ZBBX: variants seen among roughly 807,000 people sequenced by gnomAD.
ZBBX encodes zinc finger B-box domain-containing protein 1.
A neutral mutation model predicts 108.5 loss-of-function variants in ZBBX; 101 were observed. That is an observed-to-expected ratio of 0.93 (90% CI 0.79 to 1.10). The LOEUF (loss-of-function observed/expected upper bound fraction) is 1.10. Ranked by LOEUF, ZBBX falls within the 50% of genes least tolerant of loss-of-function variation. The pLI is 0.00. For synonymous variants in ZBBX, 356 were observed against 323.4 expected (o/e 1.10, Z -1.08); for missense variants, 1,009 against 941.4 (o/e 1.07, Z -0.94).
rs1241845726 is a variant in ZBBX at position 167,375,734 on chromosome 3, T to C, written c.-131-1947A>G. Among the ~76,000 whole-genome samples the C allele has an allele frequency of 1.1e-4, 17 of 152,192 alleles. 1 individual carries two copies. The highest frequency in any genetic ancestry group is 1.1e-3 in the Admixed American group (17 of 15,282). ...AAACCTACCTCCAAATTACTTGGAC[T>C]ATCTCCAAAAATTAAATCTAACCTG... On this transcript the variant is annotated intron_variant, in intron 2 of 21. Transcript: ENST00000675490.
At chr3:167,267,787 A>C (rs144833085) in intron 20 of ZBBX, among the ~76,000 whole-genome samples, 1 of 152,270 alleles carries the variant, frequency 6.6e-6, no homozygotes, top group Non-Finnish European at 1.5e-5. Context: ...AGCCCGATCT[A>C]GCATCCGACA....
At chr3:167,187,065 A>C in the ZBBX span, among the ~76,000 whole-genome samples, 1 of 152,180 alleles carries the variant, frequency 6.6e-6, no homozygotes, top group African/African-American at 2.4e-5. Context: ...TATTTTGCAG[A>C]GTAAAAAATT....
At chr3:167,181,837 TCCCCGCTGGC>T in the ZBBX span, among the ~76,000 whole-genome samples, 1 of 152,164 alleles carries the variant, frequency 6.6e-6, no homozygotes, top group Admixed American at 6.5e-5. Context: ...AATCCTACTG[TCCCCGCTGGC>T]AAGGGTCTAT....
intron 18 of ZBBX, among the ~76,000 whole-genome samples, chr3:167,293,643 G>C (rs985286999): frequency 6.6e-6 from 1 of 152,130 alleles, no homozygotes; most frequent in African/African-American, 2.4e-5. Flanking sequence ...CAAAAGACAA[G>C]GATGCCCTCT....
chr3:167,199,214 G>A, the ZBBX span, among the ~76,000 whole-genome samples: 1 of 152,132 alleles, frequency 6.6e-6, no homozygotes, highest in African/African-American at 2.4e-5. Context: ...TGTGAAATAT[G>A]CCTTGTAATT....
chr3:167,228,223 T>G, the ZBBX span, among the ~76,000 whole-genome samples: 3 of 151,824 alleles, frequency 2.0e-5, no homozygotes, highest in African/African-American at 7.2e-5. Context: ...CTTAAATTTC[T>G]TTTCAGCAGA....
chr3:167,355,358 TG>T (rs1373651368), intron 8 of ZBBX, among the ~76,000 whole-genome samples: 1 of 151,970 alleles, frequency 6.6e-6, no homozygotes, highest in East Asian at 1.9e-4. Context: ...TACAGATTAC[TG>T]TTATCCGTAG....
Position 167,317,025 on chromosome 3 carries a change from T to G in ZBBX, c.1174A>C (p.Lys392Gln). 1 of 1,606,212 alleles carries G rather than the reference T, an allele frequency of 6.2e-7. No homozygotes were observed. Among genetic ancestry groups the G allele is most frequent in the South Asian group, 1.1e-5 (1 of 90,398 alleles). ...LNIERPEPSL[K>Q]IVELDDTYEE... Reference sequence around the variant, plus strand: ...CTTACATCATCCAGTTCGACTATCTTTAGAGATGGTTCAGGTCTCTCTATG... The same window carrying G: ...CTTACATCATCCAGTTCGACTATCTGTAGAGATGGTTCAGGTCTCTCTATG... The change falls in exon 14 of 22, where the codon AAG (lysine) becomes CAG (glutamine). Residue 392 changes from lysine to glutamine, a missense_variant. By Grantham distance (53) the Lys-to-Gln change is moderately conservative (BLOSUM62 1). Transcript: ENST00000675490.
intron 2 of ZBBX, among the ~76,000 whole-genome samples, chr3:167,374,953 C>T (rs1038472611): frequency 6.6e-6 from 1 of 151,768 alleles, no homozygotes; most frequent in African/African-American, 2.4e-5. Context: ...GTGCAGGTTA[C>T]GTGGAAGAAA....
intron 20 of ZBBX, among the ~76,000 whole-genome samples, chr3:167,278,093 CA>C (rs1245191297): frequency 9.2e-6 from 1 of 108,618 alleles, no homozygotes. Context: ...GGGACACATC[CA>C]AAGCAGTGTG....
At chr3:167,350,842 A>T (rs545865096) in intron 8 of ZBBX, among the ~76,000 whole-genome samples, 1 of 152,272 alleles carries the variant, frequency 6.6e-6, no homozygotes, top group Middle Eastern at 3.4e-3. Context: ...CTATAAAACA[A>T]CCAGTAGCCT....
intron 8 of ZBBX, among the ~76,000 whole-genome samples, chr3:167,351,803 G>A (rs1035529237): frequency 1.3e-5 from 2 of 152,154 alleles, no homozygotes; most frequent in African/African-American, 4.8e-5. Context: ...GAGCAAGAGG[G>A]GAAGCTGGGT....
At chr3:167,233,527 G>A in the ZBBX span, among the ~76,000 whole-genome samples, 30 of 151,632 alleles carry the variant, frequency 2.0e-4, no homozygotes, top group Admixed American at 2.6e-4. Context: ...GATCATCAAT[G>A]GCCATCCTTA....
chr3:167,193,860 G>T, the ZBBX span, among the ~76,000 whole-genome samples: 4 of 152,080 alleles, frequency 2.6e-5, no homozygotes, highest in Admixed American at 6.6e-5. Context: ...TATGTTAAAT[G>T]AAATAAGCCA....
At chr3:167,334,116 C>A (rs975049900) in intron 9 of ZBBX, 131 bp from the exon 10 acceptor site, 3 of 669,668 alleles carry the variant, frequency 4.5e-6, no homozygotes, top group Admixed American at 7.1e-5. Flanking sequence ...TTTAAAAAGA[C>A]AAATTGGCAT....
chr3:167,196,696 T>G, the ZBBX span, among the ~76,000 whole-genome samples: 1 of 152,206 alleles, frequency 6.6e-6, no homozygotes, highest in African/African-American at 2.4e-5. Context: ...TTGCTAATAC[T>G]ATTGACAATA....
chr3:167,400,763 T>A (rs1467117769), intron 1 of ZBBX, among the ~76,000 whole-genome samples: 2 of 151,986 alleles, frequency 1.3e-5, no homozygotes, highest in Non-Finnish European at 2.9e-5. Context: ...AGTCAACATA[T>A]GTAAGATGAA....
At chr3:167,334,992 G>A (rs1387826626) in intron 9 of ZBBX, among the ~76,000 whole-genome samples, 1 of 151,980 alleles carries the variant, frequency 6.6e-6, no homozygotes, top group Non-Finnish European at 1.5e-5. Context: ...TACCTGGCAG[G>A]CTTTTGCTTC....
intron 1 of ZBBX, among the ~76,000 whole-genome samples, chr3:167,404,913 T>A (rs544426541): frequency 5.1e-4 from 77 of 152,114 alleles, no homozygotes; most frequent in Non-Finnish European, 1.1e-3. Flanking sequence ...ATGCAGAAAC[T>A]GGTCGGGGGG....
Sources: allele counts gnomAD v4.1 joint callset (sites outside exome capture counted in the v4.1 genomes callset), GRCh38; gene constraint gnomAD v4.1.1; transcripts MANE v1.5; gene names NCBI Gene and HGNC (gene_info 2026-07-23, HGNC 2026-07-21).